The following SMAD2 variants were observed in gnomAD, a reference collection of about 807,000 sequenced individuals.
SMAD2 encodes MAD homolog 2.
SMAD2 carries 8 observed loss-of-function variants against 64.4 expected under a neutral mutation model. The observed-to-expected ratio is 0.12, with a 90% confidence interval of 0.07 to 0.22. SMAD2 has a LOEUF of 0.22. Ranked by LOEUF, SMAD2 falls within the 10% of genes least tolerant of loss-of-function variation. The probability of loss-of-function intolerance (pLI) is 1.00; values close to 1 mark genes in which losing one functional copy is unlikely to be tolerated. For missense variants in SMAD2, 289 were observed against 561.2 expected (o/e 0.51, Z 4.90); for synonymous variants, 203 against 195.8 (o/e 1.04, Z -0.31).
rs1390313556 is a variant in SMAD2, at chr18:47,828,482, C to A, written c.*13345G>T. 1 of 166,674 alleles carries A rather than the reference C, an allele frequency of 6.0e-6. No individual in the cohort carries two copies. Among genetic ancestry groups the A allele is most frequent in the Middle Eastern group, 2.8e-3 (1 of 356 alleles). The allele number at this position is 166,674 out of a possible 1,614,324, so 10.3% of individuals were successfully genotyped here. A position where few individuals can be genotyped will look rare whatever the true frequency, so the allele number is the denominator to read the frequency against. ...GCCATGATGACGATGGCGGTTTTGT[C>A]GAATAGAAAAGGGGGAAATGTGGGG... On this transcript the variant is annotated 3_prime_UTR_variant, in exon 11 of 11. Transcript: ENST00000262160.
chr18:47,904,536 T>A (rs2033826486), intron 1 of SMAD2, among the ~76,000 whole-genome samples: 1 of 152,076 alleles, frequency 6.6e-6, no homozygotes. Context: ...GCAACAGCTG[T>A]CTGATACTGA....
At chr18:47,919,087 A>C (rs2034451221) in intron 1 of SMAD2, among the ~76,000 whole-genome samples, 1 of 152,190 alleles carries the variant, frequency 6.6e-6, no homozygotes, top group Non-Finnish European at 1.5e-5. Flanking sequence ...GTTTCCAAGG[A>C]GGAAAAAAAA....
At position 47,815,716 on chromosome 18, in the gene SMAD2, T is replaced by G. The variant is rs1353760964; in HGVS notation, c.*26111A>C. On this transcript the variant is annotated 3_prime_UTR_variant, in exon 11 of 11. Coordinates refer to ENST00000262160, the MANE Select transcript of SMAD2 (RefSeq NM_005901.6). ...GGTGAAACCGAAAATCAACAAGGTT[T>G]GTGTGAACTGGTCTCGACACACTTG... 1 of 152,270 alleles carries G rather than the reference T, an allele frequency of 6.6e-6. No individual in the cohort carries two copies. Among genetic ancestry groups the G allele is most frequent in the Admixed American group, 6.5e-5 (1 of 15,284 alleles). 9.4% of individuals were successfully genotyped at this position (152,270 alleles called of 1,614,324 possible).
chr18:47,905,956 C>CA (rs2033884673), intron 1 of SMAD2, among the ~76,000 whole-genome samples: 1 of 151,780 alleles, frequency 6.6e-6, no homozygotes, highest in African/African-American at 2.4e-5. Flanking sequence ...TACTAAAAAA[C>CA]AAAAAATACA....
At chr18:47,930,122 AG>A (rs2034939946) in intron 1 of SMAD2, 1 of 152,302 alleles carries the variant, frequency 6.6e-6, no homozygotes, top group African/African-American at 2.4e-5. Context: ...AGCGAGGGGA[AG>A]GGACGCAGGC....
chr18:47,864,216 A>C (rs184078686), intron 6 of SMAD2, among the ~76,000 whole-genome samples: 3 of 152,308 alleles, frequency 2.0e-5, no homozygotes, highest in Admixed American at 2.0e-4. Context: ...TGGTACTCCT[A>C]AACACCCAAA....
intron 1 of SMAD2, among the ~76,000 whole-genome samples, chr18:47,919,526 T>G (rs1456571049): frequency 8.0e-6 from 1 of 124,804 alleles, no homozygotes; most frequent in Non-Finnish European, 1.7e-5. Context: ...ACACAAAGAA[T>G]AGGAGATCTA....
rs1393754076 is a variant in SMAD2 at position 47,828,741 on chromosome 18, G to C, written c.*13086C>G. 8.4e-5 allele frequency: 15 copies of C among 179,062 alleles called. No homozygotes were observed. Among genetic ancestry groups the C allele is most frequent in the South Asian group, 1.4e-4 (1 of 7,116 alleles). The allele number at this position is 179,062 out of a possible 1,614,324, so 11.1% of individuals were successfully genotyped here. A position where few individuals can be genotyped will look rare whatever the true frequency, so the allele number is the denominator to read the frequency against. On this transcript the variant is annotated 3_prime_UTR_variant, in exon 11 of 11. Coordinates refer to ENST00000262160, the MANE Select transcript of SMAD2 (RefSeq NM_005901.6). ...ACAGATGCTTGAAGGCAGCATGCTC[G>C]TTAAGAGTCATCACCACTCCTTAAT... is the stretch of plus-strand genomic sequence containing the variant.
At chr18:47,864,008 C>T (rs979504885) in intron 6 of SMAD2, among the ~76,000 whole-genome samples, 1 of 152,054 alleles carries the variant, frequency 6.6e-6, no homozygotes, top group Admixed American at 6.6e-5. Context: ...TTATGACGTT[C>T]AGTATCTTTT....
chr18:47,873,343 T>C (rs570149469), intron 2 of SMAD2, among the ~76,000 whole-genome samples: 2 of 152,202 alleles, frequency 1.3e-5, no homozygotes, highest in East Asian at 3.9e-4. Flanking sequence ...AAGAAAAACA[T>C]ACGTCCCTAC....
At chr18:47,842,075 C>G (rs1160074139) in intron 10 of SMAD2, 125 bp from the exon 11 acceptor site, 10 of 1,047,460 alleles carry the variant, frequency 9.5e-6, no homozygotes, top group Non-Finnish European at 2.9e-6. Context: ...TAATTTTGGA[C>G]ACGATTATTC....
At position 47,828,614 on chromosome 18, in the gene SMAD2, G is replaced by A. The variant is rs955810459; in HGVS notation, c.*13213C>T. 3.0e-4 allele frequency: 49 copies of A among 162,342 alleles called. No individual in the cohort carries two copies. The highest frequency in any genetic ancestry group is 1.2e-3 in the African/African-American group (48 of 41,650). 10.1% of individuals were successfully genotyped at this position (162,342 alleles called of 1,614,324 possible). On this transcript the variant is annotated 3_prime_UTR_variant, in exon 11 of 11. Coordinates refer to ENST00000262160, the MANE Select transcript of SMAD2 (RefSeq NM_005901.6). ...AAAAATTCTTCTGCCTTGGGATGCTGTTAATCTATAACCTTACCCCCAACC... is the reference window on the plus strand; with the variant it reads ...AAAAATTCTTCTGCCTTGGGATGCTATTAATCTATAACCTTACCCCCAACC...
At chr18:47,842,051 A>T (rs2144277850) in intron 10 of SMAD2, 101 bp from the exon 11 acceptor site, 1 of 1,326,342 alleles carries the variant, frequency 7.5e-7, no homozygotes. Flanking sequence ...ACAGAAATTA[A>T]AAGGTTGTGT....
chr18:47,865,628 T>TA (rs2031499655), intron 5 of SMAD2, among the ~76,000 whole-genome samples: 1 of 152,178 alleles, frequency 6.6e-6, no homozygotes, highest in Non-Finnish European at 1.5e-5. Flanking sequence ...TAAAATATGG[T>TA]AGAGTATGGT....
chr18:47,888,745 T>G (rs1441755138), intron 2 of SMAD2, among the ~76,000 whole-genome samples: 1 of 152,170 alleles, frequency 6.6e-6, no homozygotes, highest in African/African-American at 2.4e-5. Context: ...AAGATCTTTA[T>G]GAGTGAATTT....
intron 1 of SMAD2, among the ~76,000 whole-genome samples, chr18:47,899,208 A>G (rs1369524812): frequency 1.3e-5 from 2 of 152,140 alleles, no homozygotes; most frequent in Non-Finnish European, 1.5e-5. Flanking sequence ...TCGCCAAAAT[A>G]CGAAGTATTT....
chr18:47,820,901 A>G lies in SMAD2; in HGVS notation c.*20926T>C. 1 of 8,586 alleles carries G rather than the reference A, an allele frequency of 1.2e-4. No homozygotes were observed. The highest frequency in any genetic ancestry group is 4.2e-4 in the Non-Finnish European group (1 of 2,362). 0.5% of individuals were successfully genotyped at this position (8,586 alleles called of 1,614,324 possible). ...TAAATGCTATACATGCACTATACAC[A>G]CACACACACACACACACACACACAC... On this transcript the variant is annotated 3_prime_UTR_variant, in exon 11 of 11. Transcript: ENST00000262160.
chr18:47,887,968 T>C (rs915723030), intron 2 of SMAD2, among the ~76,000 whole-genome samples: 6 of 152,206 alleles, frequency 3.9e-5, no homozygotes, highest in African/African-American at 1.4e-4. Flanking sequence ...GTTTTAACTG[T>C]AGCAATGCTT....
At position 47,839,454 on chromosome 18, in the gene SMAD2, ATGGG is replaced by A; in HGVS notation, c.*2369_*2372del. On this transcript the variant is annotated 3_prime_UTR_variant, in exon 11 of 11. Coordinates refer to ENST00000262160, the MANE Select transcript of SMAD2 (RefSeq NM_005901.6). ...CTAGGACATTTACTCTGCTCACAAG[ATGGG>A]TAGTGGAAGACATAATTACTGGACA... 1 of 233,312 alleles carries A rather than the reference ATGGG, an allele frequency of 4.3e-6. No homozygotes were observed. Among genetic ancestry groups the A allele is most frequent in the East Asian group, 6.0e-5 (1 of 16,674 alleles). 14.5% of individuals were successfully genotyped at this position (233,312 alleles called of 1,614,324 possible).
Sources: allele counts gnomAD v4.1 joint callset (sites outside exome capture counted in the v4.1 genomes callset), GRCh38; gene constraint gnomAD v4.1.1; transcripts MANE v1.5; gene names NCBI Gene and HGNC (gene_info 2026-07-23, HGNC 2026-07-21).